Variants in TAFA1 observed in about 807,000 individuals in gnomAD.
TAFA1 encodes TAFA chemokine like family member 1, also known as chemokine-like protein TAFA-1.
TAFA1 carries 4 observed loss-of-function variants against 18.5 expected under a neutral mutation model. That is an observed-to-expected ratio of 0.22 (90% confidence interval 0.11 to 0.49). The LOEUF is 0.49. Among genes scored for constraint, TAFA1 ranks in the 20% least tolerant of loss-of-function variants. The pLI, the probability that TAFA1 is intolerant of heterozygous loss-of-function variation, is 0.98. For missense variants in TAFA1, 147 were observed against 169.0 expected, an observed-to-expected ratio of 0.87 and a Z score of 0.72; for synonymous variants, 56 against 55.2, an observed-to-expected ratio of 1.01 and a Z score of -0.06.
intron 2 of TAFA1, among the ~76,000 whole-genome samples, chr3:68,143,665 G>C (rs1018323055): frequency 3.5e-4 from 54 of 152,144 alleles, no homozygotes; most frequent in Admixed American, 7.2e-4. Flanking sequence ...TTCCTTGGGT[G>C]GGGAAGAGAG....
At chr3:68,279,503 C>G (rs1190128683) in intron 2 of TAFA1, among the ~76,000 whole-genome samples, 1 of 152,130 alleles carries the variant, frequency 6.6e-6, no homozygotes, top group Admixed American at 6.6e-5. Flanking sequence ...GAATTAGGGA[C>G]AGATTCTACT....
intron 2 of TAFA1, among the ~76,000 whole-genome samples, chr3:68,100,777 G>C (rs901392781): frequency 6.6e-6 from 1 of 152,094 alleles, no homozygotes; most frequent in East Asian, 1.9e-4. Flanking sequence ...GAATGAATGA[G>C]ATTTCATCCC....
intron 3 of TAFA1, among the ~76,000 whole-genome samples, chr3:68,444,814 A>C (rs1307067607): frequency 4.2e-5 from 6 of 142,300 alleles, no homozygotes; most frequent in African/African-American, 1.5e-4. Flanking sequence ...ATATATATAA[A>C]ATAAATTAAT....
At chr3:68,298,389 G>A in intron 2 of TAFA1, among the ~76,000 whole-genome samples, 1 of 152,146 alleles carries the variant, frequency 6.6e-6, no homozygotes, top group East Asian at 1.9e-4. Flanking sequence ...CATTTGGGGA[G>A]GGGACATCAA....
intron 2 of TAFA1, among the ~76,000 whole-genome samples, chr3:68,402,699 C>G (rs1375075665): frequency 6.6e-6 from 1 of 152,102 alleles, no homozygotes; most frequent in Admixed American, 6.6e-5. Flanking sequence ...TCAGCTAAAC[C>G]AATAAAATAT....
intron 2 of TAFA1, among the ~76,000 whole-genome samples, chr3:68,010,210 T>TC (rs1438344815): frequency 6.6e-6 from 1 of 152,018 alleles, no homozygotes; most frequent in African/African-American, 2.4e-5. Context: ...TAGGAATGGC[T>TC]CCCCCCAATC....
chr3:68,377,757 A>C (rs1277399113), intron 2 of TAFA1, among the ~76,000 whole-genome samples: 1 of 152,064 alleles, frequency 6.6e-6, no homozygotes, highest in Non-Finnish European at 1.5e-5. Flanking sequence ...TAGGAGAAAA[A>C]AATGGTTTCG....
chr3:68,531,366 A>G (rs542883499), intron 3 of TAFA1, among the ~76,000 whole-genome samples: 2 of 152,228 alleles, frequency 1.3e-5, no homozygotes, highest in South Asian at 4.2e-4. Flanking sequence ...GAAAGCAAGT[A>G]AAGCACACTT....
intron 2 of TAFA1, among the ~76,000 whole-genome samples, chr3:68,384,691 C>T (rs73101177): frequency 2.0e-5 from 3 of 151,986 alleles, no homozygotes; most frequent in Non-Finnish European, 4.4e-5. Context: ...CCATTTGGTA[C>T]AGTGCTGAGT....
chr3:68,396,795 A>G (rs1041074032), intron 2 of TAFA1, among the ~76,000 whole-genome samples: 2 of 152,236 alleles, frequency 1.3e-5, no homozygotes, highest in African/African-American at 4.8e-5. Flanking sequence ...AAACAATTCT[A>G]TTAAAATGCT....
chr3:68,448,296 A>G (rs1206381925), intron 3 of TAFA1, among the ~76,000 whole-genome samples: 3 of 152,214 alleles, frequency 2.0e-5, no homozygotes, highest in African/African-American at 7.2e-5. Context: ...ATTATATTGA[A>G]ATCTGATTTT....
In TAFA1 at chr3:68,474,052, C is replaced by G. The variant is rs914046046; in HGVS notation, c.259+56632C>G. On this transcript the variant is annotated intron_variant, in intron 3 of 4. Coordinates refer to ENST00000478136, the MANE Select transcript of TAFA1 (RefSeq NM_213609.4). ...TGTATCTGCAAGAAAATGTATCACC[C>G]CCCCCCCCAAGTAAATAAAAAGCCA... Among the ~76,000 whole-genome samples the G allele has an allele frequency of 1.4e-4, 11 of 77,474 alleles. No individual in the cohort carries two copies. The East Asian group carries it at 3.7e-3, about 26-fold the overall frequency. The allele number at this position is 77,474 out of a possible 152,430, so 50.8% of individuals were successfully genotyped here.
At chr3:68,019,954 T>G (rs1047927039) in intron 2 of TAFA1, among the ~76,000 whole-genome samples, 12 of 152,216 alleles carry the variant, frequency 7.9e-5, no homozygotes, top group Non-Finnish European at 1.8e-4. Context: ...CCAAGCACAG[T>G]ATAGTTCTCC....
intron 2 of TAFA1, among the ~76,000 whole-genome samples, chr3:68,097,151 T>A (rs2106809165): frequency 6.6e-6 from 1 of 152,250 alleles, no homozygotes; most frequent in South Asian, 2.1e-4. Flanking sequence ...GAATATATCA[T>A]AAGAGAAATG....
At chr3:68,145,253 A>G (rs1457093619) in intron 2 of TAFA1, 2 of 788,246 alleles carry the variant, frequency 2.5e-6, no homozygotes, top group Non-Finnish European at 4.7e-6. Context: ...AGTCTGGCAG[A>G]GAGATTTCCC....
intron 4 of TAFA1, among the ~76,000 whole-genome samples, chr3:68,541,437 T>G (rs562445365): frequency 6.6e-6 from 1 of 152,330 alleles, no homozygotes; most frequent in South Asian, 2.1e-4. Flanking sequence ...CTTCTACATC[T>G]TATGTATTCT....
chr3:68,541,579 A>G (rs767808459), intron 4 of TAFA1, among the ~76,000 whole-genome samples: 36 of 150,450 alleles, frequency 2.4e-4, no homozygotes, highest in Non-Finnish European at 4.0e-4. Context: ...TGCTGTTATC[A>G]AAGAGGTAAA....
intron 4 of TAFA1, among the ~76,000 whole-genome samples, chr3:68,542,128 A>C (rs1029334304): frequency 2.0e-5 from 3 of 152,162 alleles, no homozygotes; most frequent in African/African-American, 7.2e-5. Flanking sequence ...GGAGATTTGG[A>C]ATAACTTTTT....
At chr3:68,526,065 G>A (rs2073107521) in intron 3 of TAFA1, among the ~76,000 whole-genome samples, 1 of 152,124 alleles carries the variant, frequency 6.6e-6, no homozygotes, top group South Asian at 2.1e-4. Flanking sequence ...TAAGGCAATA[G>A]GTGAGTTCAG....
Sources: allele counts gnomAD v4.1 joint callset (sites outside exome capture counted in the v4.1 genomes callset), GRCh38; gene constraint gnomAD v4.1.1; transcripts MANE v1.5; gene names NCBI Gene and HGNC (gene_info 2026-07-23, HGNC 2026-07-21).